The following MMP16 variants were observed in gnomAD, a reference collection of about 807,000 sequenced individuals.
MMP16 encodes matrix metalloproteinase-16.
A neutral mutation model predicts 67.8 loss-of-function variants in MMP16; 12 were observed. The ratio of observed to expected loss-of-function variants is 0.18; its 90% CI spans 0.11 to 0.29. The LOEUF (loss-of-function observed/expected upper bound fraction) is 0.29. MMP16 is among the 10% of genes least tolerant of loss of function. The pLI is 1.00. For missense variants in MMP16, 475 were observed against 765.7 expected, an observed-to-expected ratio of 0.62 and a Z score of 4.48; for synonymous variants, 249 against 255.9, an observed-to-expected ratio of 0.97 and a Z score of 0.26.
At chr8:88,207,701 A>G (rs1233814298) in intron 1 of MMP16, among the ~76,000 whole-genome samples, 5 of 151,852 alleles carry the variant, frequency 3.3e-5, no homozygotes, top group Admixed American at 6.6e-5. Context: ...TTGTTAAAAA[A>G]AAAAAAAGAA....
At chr8:88,155,933 C>T (rs1808502054) in intron 4 of MMP16, among the ~76,000 whole-genome samples, 1 of 152,048 alleles carries the variant, frequency 6.6e-6, no homozygotes, top group Non-Finnish European at 1.5e-5. Flanking sequence ...ATTACGACTA[C>T]CTAGCCTTAG....
intron 3 of MMP16, among the ~76,000 whole-genome samples, chr8:88,169,935 T>A (rs181742471): frequency 5.3e-5 from 8 of 152,258 alleles, no homozygotes; most frequent in Admixed American, 3.3e-4. Context: ...TTAATAAATG[T>A]CTTGAGACAT....
rs1313415335 is a variant in MMP16, at chr8:88,058,730, A to G, written c.1223-2452T>C. On this transcript the variant is annotated intron_variant, in intron 7 of 9. Coordinates refer to ENST00000286614, the MANE Select transcript of MMP16 (RefSeq NM_005941.5). This position sits in a 1 kb window ranked among gnomAD's most constrained non-coding sequence, Gnocchi z 4.2. Reference sequence around the variant, plus strand: ...ATGGGAAGAAGCTTATTGTGCAGCTAGAATAGAGTGTGATAGGAGTGTATA... The same window carrying G: ...ATGGGAAGAAGCTTATTGTGCAGCTGGAATAGAGTGTGATAGGAGTGTATA... Among the ~76,000 whole-genome samples, 1 of 152,084 alleles carries G rather than the reference A, an allele frequency of 6.6e-6. No homozygotes were observed. Among genetic ancestry groups the G allele is most frequent in the Non-Finnish European group, 1.5e-5 (1 of 67,976 alleles).
chr8:88,311,603 T>A (rs1464376423), intron 1 of MMP16, among the ~76,000 whole-genome samples: 1 of 152,198 alleles, frequency 6.6e-6, no homozygotes, highest in Non-Finnish European at 1.5e-5. Flanking sequence ...TTATGACATG[T>A]CATTTTTAAT....
In MMP16 at chr8:88,046,320, C is replaced by T. The variant is rs566660358; in HGVS notation, c.1489+349G>A. 6.6e-5 allele frequency among the ~76,000 whole-genome samples: 10 copies of T among 152,276 alleles called. No homozygotes were observed. In the South Asian group the frequency reaches 1.7e-3, roughly 25 times the overall value. ...AGATATAATACCTCGAGTGGCACCTCTATCTTCCTTGTGACCGGTTCTGTC... is the reference window on the plus strand; with the variant it reads ...AGATATAATACCTCGAGTGGCACCTTTATCTTCCTTGTGACCGGTTCTGTC... On this transcript the variant is annotated intron_variant, in intron 9 of 9. Coordinates refer to ENST00000286614, the MANE Select transcript of MMP16 (RefSeq NM_005941.5).
chr8:88,316,684 G>C (rs1254560462), intron 1 of MMP16, among the ~76,000 whole-genome samples: 1 of 152,138 alleles, frequency 6.6e-6, no homozygotes, highest in Non-Finnish European at 1.5e-5. Context: ...ATGCCTGCTA[G>C]CACATCCATT....
At chr8:88,313,333 G>T (rs1811326318) in intron 1 of MMP16, among the ~76,000 whole-genome samples, 1 of 152,096 alleles carries the variant, frequency 6.6e-6, no homozygotes, top group Non-Finnish European at 1.5e-5. Flanking sequence ...TTTTCAATAT[G>T]TACAGAATCT....
At chr8:88,204,227 G>A (rs2129799512) in intron 1 of MMP16, among the ~76,000 whole-genome samples, 1 of 152,236 alleles carries the variant, frequency 6.6e-6, no homozygotes, top group African/African-American at 2.4e-5. Context: ...TTTTTAGAAT[G>A]AACTGATAGA....
At chr8:88,063,839 T>C (rs993396830) in intron 7 of MMP16, among the ~76,000 whole-genome samples, 4 of 152,116 alleles carry the variant, frequency 2.6e-5, no homozygotes, top group African/African-American at 9.6e-5. Flanking sequence ...CTTTATCAAC[T>C]CATCACCTAA....
At chr8:88,072,416 G>T (rs1204197764) in intron 7 of MMP16, among the ~76,000 whole-genome samples, 3 of 152,138 alleles carry the variant, frequency 2.0e-5, no homozygotes, top group Non-Finnish European at 2.9e-5. Context: ...GAGAGCTACA[G>T]GTCATAGCTG....
At chr8:88,295,319 T>C (rs143374285) in intron 1 of MMP16, among the ~76,000 whole-genome samples, 1,668 of 152,270 alleles carry the variant, frequency 0.011, 25 homozygotes, top group South Asian at 0.061. Context: ...TTGTTTACTC[T>C]GAGAATCCAG....
chr8:88,131,105 A>G (rs1443307533), intron 4 of MMP16, among the ~76,000 whole-genome samples: 1 of 151,750 alleles, frequency 6.6e-6, no homozygotes, highest in Non-Finnish European at 1.5e-5. Flanking sequence ...TCATACAAAA[A>G]TCTTTTAAGG....
intron 2 of MMP16, among the ~76,000 whole-genome samples, chr8:88,195,263 A>G (rs573805086): frequency 6.6e-6 from 1 of 152,312 alleles, no homozygotes; most frequent in East Asian, 1.9e-4. Flanking sequence ...ACTTGCGGAA[A>G]TGTACCTTTT....
chr8:88,116,457 C>T (rs775538254), intron 6 of MMP16, 50 bp downstream of exon 6: 9 of 1,491,686 alleles, frequency 6.0e-6, no homozygotes, highest in Non-Finnish European at 8.4e-6. Context: ...TCTAAAGCAA[C>T]ACTAGACACT....
chr8:88,277,305 T>G (rs958248713), intron 1 of MMP16, among the ~76,000 whole-genome samples: 3 of 152,204 alleles, frequency 2.0e-5, no homozygotes, highest in African/African-American at 7.2e-5. Flanking sequence ...ACTATGATTA[T>G]GTGTATCTTC....
intron 4 of MMP16, among the ~76,000 whole-genome samples, chr8:88,138,934 G>T (rs546677043): frequency 1.3e-5 from 2 of 152,130 alleles, no homozygotes; most frequent in South Asian, 2.1e-4. Flanking sequence ...ATGTTTTTCA[G>T]GTTCACTCAA....
At chr8:88,216,832 T>G (rs1334334560) in intron 1 of MMP16, among the ~76,000 whole-genome samples, 3 of 152,122 alleles carry the variant, frequency 2.0e-5, no homozygotes, top group Non-Finnish European at 4.4e-5. Flanking sequence ...CTGCAAAGTT[T>G]CTCCACAGTG....
At chr8:88,175,567 T>G (rs754979707) in intron 3 of MMP16, among the ~76,000 whole-genome samples, 19 of 152,228 alleles carry the variant, frequency 1.2e-4, no homozygotes, top group Non-Finnish European at 2.2e-4. Context: ...TTTCTGCAAT[T>G]TGTCTGGTAA....
chr8:88,199,200 A>AAT (rs1259623301), intron 1 of MMP16, among the ~76,000 whole-genome samples: 1 of 152,098 alleles, frequency 6.6e-6, no homozygotes, highest in Non-Finnish European at 1.5e-5. Flanking sequence ...AACCATTAAC[A>AAT]ATAAACCCTA....
Sources: gnomAD v4.1 joint callset for allele counts (sites outside exome capture counted in the v4.1 genomes callset) on GRCh38, gnomAD v4.1.1 for gene constraint, Gnocchi (gnomAD v3.1) non-coding constraint, MANE v1.5 for transcripts, NCBI Gene and HGNC (gene_info 2026-07-23, HGNC 2026-07-21) for gene names.